Variants in PARD3 observed in about 807,000 individuals in gnomAD.
PARD3 encodes par-3 family cell polarity regulator, also known as partitioning defective 3 homolog.
Under a neutral mutation model 155.4 loss-of-function variants are expected in PARD3, and 75 were observed. That is an observed-to-expected ratio of 0.48 (90% CI 0.40 to 0.58). The LOEUF (loss-of-function observed/expected upper bound fraction) is 0.58. PARD3 is among the 20% of genes least tolerant of loss of function. PARD3 has a pLI of 0.00. For synonymous variants in PARD3, 576 were observed against 610.5 expected (o/e 0.94, Z 0.83); for missense variants, 1,642 against 1,721.7 (o/e 0.95, Z 0.82).
At chr10:34,703,461 A>G (rs755403761) in intron 1 of PARD3, among the ~76,000 whole-genome samples, 131 of 22,928 alleles carry the variant, frequency 5.7e-3, no homozygotes, top group African/African-American at 0.013. Flanking sequence ...AGGAAGTTGG[A>G]AAAAAAAAAA....
chr10:34,667,514 T>A (rs2093516445), intron 2 of PARD3, among the ~76,000 whole-genome samples: 1 of 152,202 alleles, frequency 6.6e-6, no homozygotes, highest in Admixed American at 6.5e-5. Context: ...CACCTATTCA[T>A]CACTGAACCA....
chr10:34,606,638 C>CAAAAAAAAAA (rs398013195), intron 2 of PARD3, among the ~76,000 whole-genome samples: 6 of 79,654 alleles, frequency 7.5e-5, no homozygotes, highest in African/African-American at 2.9e-4. Context: ...CCCGTGTCTT[C>CAAAAAAAAAA]AAAAAAAAAA....
At chr10:34,344,318 T>C (rs1428318171) in intron 15 of PARD3, 2 of 961,894 alleles carry the variant, frequency 2.1e-6, no homozygotes, top group Non-Finnish European at 2.5e-6. Context: ...AGTCTCACTC[T>C]GTTGCCCAGG....
At chr10:34,407,677 T>C (rs1004451938) in intron 5 of PARD3, among the ~76,000 whole-genome samples, 9 of 151,814 alleles carry the variant, frequency 5.9e-5, no homozygotes, top group Non-Finnish European at 1.2e-4. Flanking sequence ...CATGCAGAAA[T>C]TGGAAAAGAG....
intron 5 of PARD3, among the ~76,000 whole-genome samples, chr10:34,416,102 G>A (rs1483587437): frequency 6.6e-6 from 1 of 152,178 alleles, no homozygotes; most frequent in Non-Finnish European, 1.5e-5. Context: ...CTACGTGTAT[G>A]TAGGTCTACC....
intron 20 of PARD3, among the ~76,000 whole-genome samples, chr10:34,287,206 T>C (rs973526612): frequency 5.9e-5 from 9 of 152,164 alleles, no homozygotes; most frequent in African/African-American, 2.2e-4. Flanking sequence ...GTATAAGATG[T>C]ACAAATCCTA....
chr10:34,184,698 GTT>G (rs9336860), intron 22 of PARD3, among the ~76,000 whole-genome samples: 3 of 135,028 alleles, frequency 2.2e-5, no homozygotes, highest in Non-Finnish European at 1.6e-5. Context: ...AGGCCTTTCG[GTT>G]TTTTTTTTTT....
chr10:34,455,250 A>G (rs1173200680), intron 4 of PARD3, among the ~76,000 whole-genome samples: 3 of 152,210 alleles, frequency 2.0e-5, no homozygotes, highest in Non-Finnish European at 4.4e-5. Flanking sequence ...ATTTTGAAAT[A>G]CAAAATACTC....
intron 5 of PARD3, among the ~76,000 whole-genome samples, chr10:34,402,961 A>G (rs768384484): frequency 7.9e-5 from 12 of 152,310 alleles, no homozygotes; most frequent in Non-Finnish European, 1.0e-4. Flanking sequence ...AATCATTTGA[A>G]TAACGATAAA....
intron 1 of PARD3, among the ~76,000 whole-genome samples, chr10:34,698,006 G>C (rs2094206832): frequency 6.6e-6 from 1 of 152,052 alleles, no homozygotes; most frequent in Non-Finnish European, 1.5e-5. Flanking sequence ...ATAATGTCCT[G>C]GGGGTGAATA....
At chr10:34,781,418 T>C (rs1334749113) in intron 1 of PARD3, among the ~76,000 whole-genome samples, 1 of 152,194 alleles carries the variant, frequency 6.6e-6, no homozygotes, top group African/African-American at 2.4e-5. Flanking sequence ...TGTGGACAAA[T>C]AGAGCATAAT....
chr10:34,396,551 T>C (rs1462115593), intron 7 of PARD3, among the ~76,000 whole-genome samples: 1 of 152,202 alleles, frequency 6.6e-6, no homozygotes, highest in African/African-American at 2.4e-5. Flanking sequence ...TTCTGCATTA[T>C]TCGTTAGATG....
chr10:34,350,870 C>T (rs545985707), intron 14 of PARD3, among the ~76,000 whole-genome samples: 2 of 152,228 alleles, frequency 1.3e-5, no homozygotes, highest in Admixed American at 1.3e-4. Flanking sequence ...AGATAACCCA[C>T]ACTCGGTAGG....
rs1264859680 is a variant in PARD3 at position 34,782,365 on chromosome 10, A to AG, written c.120+32510dup. On this transcript the variant is annotated intron_variant, in intron 1 of 24. Transcript: ENST00000374788. The stretch of plus-strand genomic sequence containing the variant: ...GAAAGGTTACCCAGGGAATCTTGAC[A>AG]GGGGACTGCAACATGCTCAGAGGCA... 5.3e-5 allele frequency among the ~76,000 whole-genome samples: 8 copies of AG among 152,282 alleles called. No homozygotes were observed. The East Asian group carries it at 1.5e-3, about 29-fold the overall frequency.
intron 2 of PARD3, among the ~76,000 whole-genome samples, chr10:34,602,084 T>G (rs957975977): frequency 1.3e-5 from 2 of 152,210 alleles, no homozygotes; most frequent in East Asian, 3.8e-4. Context: ...GCAACAAAGA[T>G]ATTGACAAAT....
At chr10:34,702,923 C>G (rs1175345018) in intron 1 of PARD3, among the ~76,000 whole-genome samples, 1 of 152,090 alleles carries the variant, frequency 6.6e-6, no homozygotes, top group African/African-American at 2.4e-5. Context: ...CTTGAAAGAA[C>G]CAGAGACTGT....
chr10:34,643,675 G>T (rs753907114), intron 2 of PARD3, among the ~76,000 whole-genome samples: 4 of 152,176 alleles, frequency 2.6e-5, no homozygotes, highest in Non-Finnish European at 5.9e-5. Context: ...ATCAGTCTGA[G>T]AGGTACAACT....
intron 3 of PARD3, among the ~76,000 whole-genome samples, chr10:34,477,009 T>A (rs963564544): frequency 2.0e-5 from 3 of 152,252 alleles, no homozygotes; most frequent in African/African-American, 7.2e-5. Context: ...CTGTCCTGAC[T>A]AATATAACAT....
intron 5 of PARD3, among the ~76,000 whole-genome samples, chr10:34,439,808 C>A (rs1237678283): frequency 6.6e-6 from 1 of 152,080 alleles, no homozygotes; most frequent in Non-Finnish European, 1.5e-5. Flanking sequence ...TGAAATGAGA[C>A]CCAAAAGCCT....
Sources: allele counts gnomAD v4.1 joint callset (sites outside exome capture counted in the v4.1 genomes callset), GRCh38; gene constraint gnomAD v4.1.1; transcripts MANE v1.5; gene names NCBI Gene and HGNC (gene_info 2026-07-23, HGNC 2026-07-21).